COL5A1: variants seen among roughly 807,000 people sequenced by gnomAD.
COL5A1 encodes collagen alpha-1(V) chain.
A neutral mutation model predicts 263.7 loss-of-function variants in COL5A1; 16 were observed. The observed-to-expected ratio is 0.06, with a 90% CI of 0.04 to 0.09. COL5A1 has a LOEUF of 0.09. Ranked by LOEUF, COL5A1 falls within the 10% of genes least tolerant of loss-of-function variation. The pLI is 1.00. For synonymous variants in COL5A1, 1,012 were observed against 1,004.5 expected, an observed-to-expected ratio of 1.01 and a Z score of -0.14; for missense variants, 2,036 against 2,540.5, an observed-to-expected ratio of 0.80 and a Z score of 4.27.
rs369863005 is a variant in COL5A1, at chr9:134,823,101, C to T, written c.4644+68C>T. 221 of 1,540,522 alleles carry T rather than the reference C, an allele frequency of 1.4e-4. No homozygotes were observed. The East Asian group carries it at 1.6e-3, about 11-fold the overall frequency. ...GGGGAGGGCGACGGGTCCCCTGGCA[C>T]GGGAACAAACTACCCAGACAACCGT... On this transcript the variant is annotated intron_variant, in intron 60 of 65. Transcript: ENST00000371817.
In COL5A1 at chr9:134,677,988, G is replaced by A. The variant is rs1222402240; in HGVS notation, c.110-12924G>A. 2.0e-5 allele frequency among the ~76,000 whole-genome samples: 3 copies of A among 152,088 alleles called. No individual in the cohort carries two copies. The East Asian group carries it at 5.8e-4, about 29-fold the overall frequency. On this transcript the variant is annotated intron_variant, in intron 1 of 65. Transcript: ENST00000371817. The surrounding 1 kb of genome is among the most constrained non-coding windows in gnomAD (Gnocchi z 4.4). ...TCCTCTCCATGCAAGGCCTCCTATG[G>A]TCCTGAACATCCTGTGAAGAACAAT...
At chr9:134,698,420 C>T (rs879598769) in intron 2 of COL5A1, among the ~76,000 whole-genome samples, 6 of 151,742 alleles carry the variant, frequency 4.0e-5, no homozygotes, top group African/African-American at 9.8e-5. Context: ...CCAGCGCTCA[C>T]GCAGGCTCTG....
chr9:134,653,898 AGGGTGTGTAGGGCTGG>A (rs999651749), intron 1 of COL5A1, among the ~76,000 whole-genome samples: 28 of 96,476 alleles, frequency 2.9e-4, no homozygotes, highest in Admixed American at 1.4e-3. Context: ...TGTATGGCTG[AGGGTGTGTAGGGCTGG>A]GGGTGTGTAG....
At chr9:134,648,046 G>A (rs1190252088) in intron 1 of COL5A1, among the ~76,000 whole-genome samples, 2 of 152,050 alleles carry the variant, frequency 1.3e-5, no homozygotes, top group African/African-American at 2.4e-5. Flanking sequence ...ACCGTTAATC[G>A]GGAGGGCACA....
chr9:134,795,350 G>A, intron 34 of COL5A1, 35 bp downstream of exon 34: 8 of 1,605,132 alleles, frequency 5.0e-6, no homozygotes, highest in Non-Finnish European at 6.8e-6. Flanking sequence ...TGGGCGGCGT[G>A]AACCCAAGTT....
chr9:134,817,117 C>T, intron 53 of COL5A1, 38 bp downstream of exon 53: 2 of 1,584,048 alleles, frequency 1.3e-6, no homozygotes, highest in Non-Finnish European at 1.7e-6. Flanking sequence ...CTGTCAAATC[C>T]CTGCATGAAA....
chr9:134,802,002 C>T lies in COL5A1; in HGVS notation c.3001C>T (p.Pro1001Ser). The change falls in exon 38 of 66, where the codon CCT (proline) becomes TCT (serine). Residue 1001 changes from proline (P) to serine (S), a missense_variant. By Grantham distance (74) the Pro-to-Ser change is moderately conservative. Around this residue, in one of 3 missense-constraint regions of COL5A1, gnomAD observed 1,078 missense variants for 1,521.4 expected, o/e 0.71. Transcript: ENST00000371817. ...GPPGPPGVVGPQGPTGETGPM... is the reference protein window; with the variant it reads ...GPPGPPGVVGSQGPTGETGPM... ...TCCAGGCCCCCCCGGCGTGGTCGGC[C>T]CTCAGGTAAGCTCCAGCCTTCCCAG... is the stretch of plus-strand genomic sequence containing the variant. 6.2e-7 allele frequency: 1 copy of T among 1,613,372 alleles called. No individual in the cohort carries two copies.
intron 46 of COL5A1, among the ~76,000 whole-genome samples, chr9:134,812,174 G>A (rs1393077472): frequency 2.0e-5 from 3 of 152,254 alleles, no homozygotes; most frequent in African/African-American, 7.2e-5. Context: ...TTACCCAGGC[G>A]TCCCCTGCTG....
rs954672757 is a variant in COL5A1 at position 134,680,283 on chromosome 9, G to A, written c.110-10629G>A. Among the ~76,000 whole-genome samples the A allele has an allele frequency of 1.3e-5, 2 of 152,164 alleles. No individual in the cohort carries two copies. Among genetic ancestry groups the A allele is most frequent in the African/African-American group, 2.4e-5 (1 of 41,434 alleles). ...CGGCTACAGGCCATTTTCTCACCCT[G>A]TGAAACACTGCGGGTCGGTGCACAG... On this transcript the variant is annotated intron_variant, in intron 1 of 65. Transcript: ENST00000371817. The surrounding 1 kb of genome is among the most constrained non-coding windows in gnomAD (Gnocchi z 5.9).
intron 19 of COL5A1, among the ~76,000 whole-genome samples, chr9:134,762,907 C>T (rs1836514362): frequency 6.6e-6 from 1 of 151,824 alleles, no homozygotes; most frequent in Admixed American, 6.6e-5. Flanking sequence ...ATATGTGTGG[C>T]TGTGTGCATG....
chr9:134,831,822 G>A (rs7045116), intron 64 of COL5A1, among the ~76,000 whole-genome samples: 7,093 of 152,224 alleles, frequency 0.047, 516 homozygotes, highest in African/African-American at 0.16. Flanking sequence ...TCCACCTCTC[G>A]TCCTGTTCCA....
chr9:134,643,557 G>C (rs903701738), intron 1 of COL5A1, among the ~76,000 whole-genome samples: 3 of 152,152 alleles, frequency 2.0e-5, no homozygotes, highest in African/African-American at 7.2e-5. Context: ...CTGGGTGTGG[G>C]GGCTGCCCTG....
intron 42 of COL5A1, among the ~76,000 whole-genome samples, chr9:134,807,676 C>T (rs1465763324): frequency 6.6e-6 from 1 of 152,188 alleles, no homozygotes; most frequent in East Asian, 1.9e-4. Flanking sequence ...CAGGAACTTC[C>T]CTGGAAACCA....
At chr9:134,752,839 G>T (rs769616159) in intron 14 of COL5A1, among the ~76,000 whole-genome samples, 194 bp downstream of exon 14, 1 of 152,094 alleles carries the variant, frequency 6.6e-6, no homozygotes, top group East Asian at 1.9e-4. Flanking sequence ...CCTTGTTGGT[G>T]GGGGGTGGGG....
intron 1 of COL5A1, among the ~76,000 whole-genome samples, chr9:134,679,698 T>G: frequency 8.1e-6 from 1 of 123,444 alleles, no homozygotes; most frequent in African/African-American, 3.3e-5. Flanking sequence ...GCGGGGCTGG[T>G]TAGGGGGCAC....
chr9:134,774,330 G>A (rs930375891), intron 26 of COL5A1, among the ~76,000 whole-genome samples: 1 of 152,164 alleles, frequency 6.6e-6, no homozygotes, highest in Non-Finnish European at 1.5e-5. Flanking sequence ...GGCGGTGGGA[G>A]CCGTTCATCA....
intron 1 of COL5A1, among the ~76,000 whole-genome samples, chr9:134,655,680 G>A (rs1399008186): frequency 6.6e-6 from 1 of 152,148 alleles, no homozygotes; most frequent in African/African-American, 2.4e-5. Flanking sequence ...GCAGGAGTCT[G>A]CTGAGCCCAT....
Position 134,681,997 on chromosome 9 carries a change from C to G in COL5A1, c.110-8915C>G, listed in dbSNP as rs144567837. ...TCTTGCTCTCTGTCTGTCCCCACAG[C>G]TGCCTTCCCCGAACCCCTGATCCCC... On this transcript the variant is annotated intron_variant, in intron 1 of 65. Transcript: ENST00000371817. The surrounding 1 kb of genome is among the most constrained non-coding windows in gnomAD (Gnocchi z 4.3). Among the ~76,000 whole-genome samples the G allele has an allele frequency of 5.2e-4, 79 of 152,196 alleles. No individual in the cohort carries two copies. The highest frequency in any genetic ancestry group is 1.8e-3 in the African/African-American group (76 of 41,506).
chr9:134,712,431 G>T (rs1372806509), intron 4 of COL5A1, among the ~76,000 whole-genome samples: 11 of 103,912 alleles, frequency 1.1e-4, no homozygotes, highest in Non-Finnish European at 1.9e-4. Flanking sequence ...ACTCCTTCCT[G>T]TTCCCCCTCC....
Sources: allele counts gnomAD v4.1 joint callset (sites outside exome capture counted in the v4.1 genomes callset), GRCh38; gene constraint gnomAD v4.1.1; regional missense constraint gnomAD v4.1.1; non-coding constraint Gnocchi (gnomAD v3.1); transcripts MANE v1.5; gene names NCBI Gene and HGNC (gene_info 2026-07-23, HGNC 2026-07-21).